DCHS2: variants seen among roughly 807,000 people sequenced by gnomAD.
The protein encoded by DCHS2 is dachsous cadherin-related 2, also known as protocadherin-23.
In DCHS2, 142 loss-of-function variants were observed where a neutral mutation model predicts 182.4. That is an observed-to-expected ratio of 0.78 (90% CI 0.68 to 0.89). DCHS2 has a LOEUF of 0.89. Ranked by LOEUF, DCHS2 falls within the 40% of genes least tolerant of loss-of-function variation. The pLI, the probability that DCHS2 is intolerant of heterozygous loss-of-function variation, is 0.00. For synonymous variants in DCHS2, 1,740 were observed against 1,663.3 expected (o/e 1.05, Z -1.12); for missense variants, 4,319 against 4,198.6 (o/e 1.03, Z -0.79).
chr4:154,432,992 G>A (rs531808211), intron 1 of DCHS2, among the ~76,000 whole-genome samples: 2 of 152,186 alleles, frequency 1.3e-5, no homozygotes, highest in African/African-American at 2.4e-5. Flanking sequence ...ATCATGTCCT[G>A]CAAAAAGATG....
At chr4:154,420,645 T>G (rs1733073685) in intron 1 of DCHS2, among the ~76,000 whole-genome samples, 1 of 152,174 alleles carries the variant, frequency 6.6e-6, no homozygotes, top group South Asian at 2.1e-4. Context: ...TCTGCTTTTT[T>G]GCTCTATCTG....
At chr4:154,276,811 C>T (rs1733872588) in intron 13 of DCHS2, among the ~76,000 whole-genome samples, 1 of 152,184 alleles carries the variant, frequency 6.6e-6, no homozygotes, top group African/African-American at 2.4e-5. Flanking sequence ...TCATGGGACA[C>T]CAGGCAAGCT....
chr4:154,434,089 A>G (rs1733675097), intron 1 of DCHS2, among the ~76,000 whole-genome samples: 2 of 152,258 alleles, frequency 1.3e-5, no homozygotes, highest in South Asian at 4.1e-4. Context: ...AAAATAAATC[A>G]AGTTACAGAG....
At chr4:154,335,269 G>T (rs1016722833) in intron 3 of DCHS2, 165 bp from the exon 4 acceptor site, 3 of 611,856 alleles carry the variant, frequency 4.9e-6, no homozygotes, top group African/African-American at 3.7e-5. Flanking sequence ...GAGTGTGTCT[G>T]TGAGGGTGCT....
rs1338830612 is a variant in DCHS2, at chr4:154,490,740, G to A, written c.616C>T (p.Leu206=). Residue 206 remains leucine (L), a synonymous_variant, in exon 1 of 20, where the codon CTG becomes TTG. Coordinates refer to ENST00000357232, the MANE Select transcript of DCHS2 (RefSeq NM_001358235.2). ...TTGGGCAGGTCGGACGGTTGCACCA[G>A]GGTGTAGCCCTGAGTGCTGAACAGT... is the stretch of plus-strand genomic sequence containing the variant. The part of the protein sequence containing the change: ...AGLFSTQGYT[L]VQPSDLPKDP... 2.6e-6 allele frequency: 4 copies of A among 1,551,644 alleles called. No homozygotes were observed. The highest frequency in any genetic ancestry group is 1.2e-5 in the South Asian group (1 of 84,066).
intron 13 of DCHS2, among the ~76,000 whole-genome samples, chr4:154,286,060 G>T (rs1045717429): frequency 6.6e-6 from 1 of 152,096 alleles, no homozygotes; most frequent in African/African-American, 2.4e-5. Context: ...GAAGAGAAGA[G>T]AACAAGAGTC....
intron 13 of DCHS2, among the ~76,000 whole-genome samples, chr4:154,274,232 A>G (rs1038769269): frequency 6.6e-6 from 1 of 152,118 alleles, no homozygotes; most frequent in Non-Finnish European, 1.5e-5. Flanking sequence ...TTTATTTGAA[A>G]TCTCTCAATT....
intron 1 of DCHS2, among the ~76,000 whole-genome samples, chr4:154,387,906 A>G (rs1051400967): frequency 2.6e-5 from 4 of 152,124 alleles, no homozygotes; most frequent in Admixed American, 2.6e-4. Context: ...TAAGATATTC[A>G]ACTTCACTTG....
intron 6 of DCHS2, 107 bp from the exon 7 acceptor site, chr4:154,328,299 C>T (rs1015194985): frequency 1.1e-5 from 8 of 717,302 alleles, no homozygotes; most frequent in African/African-American, 1.8e-5. Flanking sequence ...TTTAAACTAT[C>T]TTAAAATCCA....
chr4:154,484,655 T>G (rs1354188862), intron 1 of DCHS2, among the ~76,000 whole-genome samples: 12 of 152,254 alleles, frequency 7.9e-5, no homozygotes, highest in Non-Finnish European at 1.5e-4. Flanking sequence ...TAACCTGGCA[T>G]TTGTAAAAAT....
chr4:154,335,156 G>T (rs1728735215), intron 3 of DCHS2, 52 bp from the exon 4 acceptor site: 1 of 1,173,456 alleles, frequency 8.5e-7, no homozygotes, highest in Non-Finnish European at 1.3e-6. Flanking sequence ...AATAAATACT[G>T]ATGAGCAATA....
intron 3 of DCHS2, chr4:154,343,499 A>G (rs1578988511): frequency 8.1e-6 from 12 of 1,486,090 alleles, no homozygotes; most frequent in Non-Finnish European, 9.9e-6. Context: ...GATTTGCTAC[A>G]TACCTTGCTG....
chr4:154,252,744 G>A (rs1250457779), intron 16 of DCHS2, among the ~76,000 whole-genome samples: 4 of 151,482 alleles, frequency 2.6e-5, no homozygotes, highest in Non-Finnish European at 5.9e-5. Flanking sequence ...TGGACACTTA[G>A]GTTGCTTCCA....
At chr4:154,447,804 A>T (rs1349637233) in intron 1 of DCHS2, among the ~76,000 whole-genome samples, 1 of 152,308 alleles carries the variant, frequency 6.6e-6, no homozygotes. Flanking sequence ...ACTGAAATAG[A>T]TGAATAAGAA....
chr4:154,457,989 T>C (rs1430149006), intron 1 of DCHS2, among the ~76,000 whole-genome samples: 1 of 152,180 alleles, frequency 6.6e-6, no homozygotes, highest in Non-Finnish European at 1.5e-5. Flanking sequence ...TTTCCTATTT[T>C]TAATCCACAT....
intron 1 of DCHS2, among the ~76,000 whole-genome samples, chr4:154,449,029 A>G (rs1025270419): frequency 6.6e-6 from 1 of 152,116 alleles, no homozygotes; most frequent in Non-Finnish European, 1.5e-5. Flanking sequence ...TCATCACTGT[A>G]CTCATGCCTG....
rs762800994 is a variant in DCHS2 at position 154,490,198 on chromosome 4, G to C, written c.1158C>G (p.Arg386=). ...CAACCTCAGGCTCGGCGCCTCCATC[G>C]CGGGCCTCCACCACCAACTGGTGCC... ...QAWHQLVVEA[R]DGGAEPEVAT... The change falls in exon 1 of 20, where the codon CGC becomes CGG. Residue 386 remains arginine, a synonymous_variant. Transcript: ENST00000357232. The C allele has an allele frequency of 2.4e-5, 37 of 1,549,246 alleles. No individual in the cohort carries two copies.
At chr4:154,281,088 A>G (rs1351854981) in intron 13 of DCHS2, among the ~76,000 whole-genome samples, 2 of 152,068 alleles carry the variant, frequency 1.3e-5, no homozygotes, top group African/African-American at 4.8e-5. Flanking sequence ...CGACCTCCCA[A>G]AGTGCTGGGA....
intron 1 of DCHS2, among the ~76,000 whole-genome samples, chr4:154,426,460 G>A (rs936867464): frequency 5.3e-5 from 8 of 152,090 alleles, no homozygotes; most frequent in African/African-American, 1.9e-4. Context: ...AAGGGAATAA[G>A]CAGGAAGCTA....
Sources: gnomAD v4.1 joint callset for allele counts (sites outside exome capture counted in the v4.1 genomes callset) on GRCh38, gnomAD v4.1.1 for gene constraint, MANE v1.5 for transcripts, NCBI Gene and HGNC (gene_info 2026-07-23, HGNC 2026-07-21) for gene names.